Variants in PSPH observed in about 807,000 individuals in gnomAD.
PSPH encodes phosphoserine phosphatase.
A neutral mutation model predicts 23.4 loss-of-function variants in PSPH; 16 were observed. That is an observed-to-expected ratio of 0.68 (90% CI 0.46 to 1.04). The LOEUF is 1.04. PSPH is among the 50% of genes least tolerant of loss of function. PSPH has a pLI of 0.00. For missense variants in PSPH, 223 were observed against 273.7 expected, an observed-to-expected ratio of 0.81 and a Z score of 1.31; for synonymous variants, 68 against 99.7, an observed-to-expected ratio of 0.68 and a Z score of 1.89.
chr7:56,028,764 T>C (rs570561401), intron 3 of PSPH, among the ~76,000 whole-genome samples: 1 of 152,176 alleles, frequency 6.6e-6, no homozygotes, highest in Admixed American at 6.6e-5. Flanking sequence ...CTTCCCATCC[T>C]GCTCTGCAAA....
intron 1 of PSPH, among the ~76,000 whole-genome samples, chr7:56,041,359 C>G (rs1489220927): frequency 6.6e-6 from 1 of 151,690 alleles, no homozygotes; most frequent in Admixed American, 6.6e-5. Context: ...ACCACAGGTG[C>G]CTGCCACCAT....
intron 1 of PSPH, among the ~76,000 whole-genome samples, chr7:56,038,959 C>G (rs1305784131): frequency 1.3e-5 from 2 of 151,974 alleles, no homozygotes; most frequent in African/African-American, 2.4e-5. Flanking sequence ...GCCTGACCAA[C>G]ATGGAGAAAC....
intron 7 of PSPH, among the ~76,000 whole-genome samples, chr7:56,013,212 TA>T (rs1463672966): frequency 6.7e-6 from 1 of 149,822 alleles, no homozygotes; most frequent in Non-Finnish European, 1.5e-5. Context: ...GCATTGATTT[TA>T]AAATGCTTAG....
chr7:56,020,049 T>C lies in PSPH; in HGVS notation c.141-315A>G, dbSNP rs1487513401. 3.3e-5 allele frequency among the ~76,000 whole-genome samples: 5 copies of C among 150,552 alleles called. No individual in the cohort carries two copies. The East Asian group carries it at 5.9e-4, about 18-fold the overall frequency. ...CTGGTCAACATGACAAAACCCCATC[T>C]TTACTAAAAAAATGCAAAAATTAGC... On this transcript the variant is annotated intron_variant, in intron 4 of 7. Transcript: ENST00000275605.
intron 1 of PSPH, among the ~76,000 whole-genome samples, chr7:56,043,918 A>G (rs1293244282): frequency 6.6e-6 from 1 of 152,152 alleles, no homozygotes; most frequent in African/African-American, 2.4e-5. Context: ...TACAAACGAT[A>G]GTTTTGAACA....
At chr7:56,036,107 A>G (rs1322809322) in intron 1 of PSPH, among the ~76,000 whole-genome samples, 1 of 151,890 alleles carries the variant, frequency 6.6e-6, no homozygotes, top group Non-Finnish European at 1.5e-5. Flanking sequence ...TGCATGGATA[A>G]TCCCAGCTAC....
chr7:56,029,661 T>C (rs914062715), intron 3 of PSPH, among the ~76,000 whole-genome samples: 1 of 152,124 alleles, frequency 6.6e-6, no homozygotes, highest in Middle Eastern at 3.2e-3. Flanking sequence ...AATCTCTGTA[T>C]CTTTCAAGAG....
intron 1 of PSPH, among the ~76,000 whole-genome samples, chr7:56,034,877 C>T (rs1791525813): frequency 6.6e-6 from 1 of 151,376 alleles, no homozygotes; most frequent in African/African-American, 2.4e-5. Context: ...GTCTTTGCAC[C>T]TTACTTTTAT....
At chr7:56,028,096 G>A (rs1019516054) in intron 3 of PSPH, among the ~76,000 whole-genome samples, 6 of 151,474 alleles carry the variant, frequency 4.0e-5, no homozygotes, top group Non-Finnish European at 5.9e-5. Context: ...GAAAGGAAAG[G>A]TACATTTCCT....
intron 3 of PSPH, 91 bp downstream of exon 3, chr7:56,031,838 T>C (rs963082971): frequency 2.0e-5 from 3 of 153,366 alleles, no homozygotes; most frequent in Non-Finnish European, 2.9e-5. Context: ...TGCTAGCAGA[T>C]AGACAAACGT....
At chr7:56,018,987 T>A (rs1247931891) in intron 5 of PSPH, among the ~76,000 whole-genome samples, 1 of 148,758 alleles carries the variant, frequency 6.7e-6, no homozygotes, top group East Asian at 2.0e-4. Context: ...AAATTTTTTT[T>A]TAAAAATTAG....
At chr7:56,041,308 G>A in intron 1 of PSPH, among the ~76,000 whole-genome samples, 1 of 150,946 alleles carries the variant, frequency 6.6e-6, no homozygotes, top group East Asian at 2.0e-4. Flanking sequence ...TGCCTCCCAG[G>A]TTCAAGCGAT....
intron 1 of PSPH, among the ~76,000 whole-genome samples, chr7:56,043,573 T>C (rs1792829754): frequency 6.6e-6 from 1 of 151,498 alleles, no homozygotes; most frequent in Non-Finnish European, 1.5e-5. Flanking sequence ...TCCTAGCACT[T>C]TGGGAGGCCA....
chr7:56,032,907 G>C (rs560146200), intron 2 of PSPH, among the ~76,000 whole-genome samples: 4 of 150,404 alleles, frequency 2.7e-5, no homozygotes, highest in Non-Finnish European at 5.9e-5. Context: ...TGATTGCACC[G>C]CTGCACTCTA....
At chr7:56,020,619 C>T (rs559967118) in intron 4 of PSPH, among the ~76,000 whole-genome samples, 225 of 146,834 alleles carry the variant, frequency 1.5e-3, no homozygotes, top group African/African-American at 5.1e-3. Context: ...AATGAGACTC[C>T]GTCTCGAAAA....
intron 3 of PSPH, among the ~76,000 whole-genome samples, chr7:56,031,099 T>C (rs1477597622): frequency 6.6e-6 from 1 of 150,744 alleles, no homozygotes; most frequent in Non-Finnish European, 1.5e-5. Context: ...TAGTCCCAGC[T>C]ACTCGGGAGG....
intron 1 of PSPH, among the ~76,000 whole-genome samples, chr7:56,041,929 A>G (rs1355945017): frequency 6.6e-6 from 1 of 151,606 alleles, no homozygotes; most frequent in Non-Finnish European, 1.5e-5. Context: ...GTCTCAAAAA[A>G]AAAAAGATCT....
At chr7:56,021,931 C>G (rs987819864) in intron 3 of PSPH, among the ~76,000 whole-genome samples, 1 of 101,766 alleles carries the variant, frequency 9.8e-6, no homozygotes, top group Non-Finnish European at 1.8e-5. Context: ...GCCTGGGCGA[C>G]AAAGCGAGAC....
intron 1 of PSPH, among the ~76,000 whole-genome samples, chr7:56,044,406 T>C (rs370709885): frequency 6.6e-6 from 1 of 152,082 alleles, no homozygotes; most frequent in African/African-American, 2.4e-5. Flanking sequence ...AAACAGAATG[T>C]AAACGTTACC....
Sources: gnomAD v4.1 joint callset for allele counts (sites outside exome capture counted in the v4.1 genomes callset) on GRCh38, gnomAD v4.1.1 for gene constraint, MANE v1.5 for transcripts, NCBI Gene and HGNC (gene_info 2026-07-23, HGNC 2026-07-21) for gene names.